The following TANC1 variants were observed in gnomAD, a reference collection of about 807,000 sequenced individuals.
The protein encoded by TANC1 is protein TANC1.
Under a neutral mutation model 149.7 loss-of-function variants are expected in TANC1, and 77 were observed. That is an observed-to-expected ratio of 0.51 (90% CI 0.43 to 0.62). The LOEUF is 0.62. Among genes scored for constraint, TANC1 ranks in the 20% least tolerant of loss-of-function variants. The pLI, the probability that TANC1 is intolerant of heterozygous loss-of-function variation, is 0.00. For missense variants in TANC1, 1,985 were observed against 2,321.8 expected, an observed-to-expected ratio of 0.85 and a Z score of 2.98; for synonymous variants, 854 against 925.0, an observed-to-expected ratio of 0.92 and a Z score of 1.39.
intron 4 of TANC1, among the ~76,000 whole-genome samples, chr2:159,124,562 A>G (rs764298410): frequency 3.3e-5 from 5 of 152,164 alleles, no homozygotes; most frequent in Non-Finnish European, 7.3e-5. Context: ...TTGTGCAAAC[A>G]ACAGAAGAGC....
intron 3 of TANC1, among the ~76,000 whole-genome samples, chr2:159,070,646 G>T (rs1482613369): frequency 6.6e-6 from 1 of 152,326 alleles, no homozygotes; most frequent in Non-Finnish European, 1.5e-5. Flanking sequence ...TGTGAGGCAG[G>T]TGCATATAAA....
chr2:159,150,109 T>C (rs991313255), intron 6 of TANC1: 1 of 369,168 alleles, frequency 2.7e-6, no homozygotes, highest in Non-Finnish European at 4.9e-6. Context: ...TTGCTAAGAC[T>C]GACCTTTTAA....
chr2:159,141,295 C>T (rs567510249), intron 5 of TANC1, among the ~76,000 whole-genome samples: 25 of 152,300 alleles, frequency 1.6e-4, no homozygotes, highest in African/African-American at 5.3e-4. Flanking sequence ...TTCTGAGACA[C>T]AGACATTCAG....
chr2:159,003,991 A>G, intron 2 of TANC1: 2 of 1,612,474 alleles, frequency 1.2e-6, no homozygotes, highest in Non-Finnish European at 1.7e-6. Context: ...CTGGCTGTGA[A>G]TAATATAGCT....
intron 1 of TANC1, among the ~76,000 whole-genome samples, chr2:158,981,649 C>T (rs1284145266): frequency 2.0e-5 from 3 of 149,852 alleles, no homozygotes; most frequent in Non-Finnish European, 4.4e-5. Flanking sequence ...GAATAGTTGG[C>T]GTGGTTAAAT....
rs371866385 is a variant in TANC1 at position 159,225,777 on chromosome 2, A to G, written c.3901A>G (p.Lys1301Glu). The G allele has an allele frequency of 7.3e-5, 117 of 1,611,886 alleles. No homozygotes were observed. The highest frequency in any genetic ancestry group is 1.5e-4 in the Admixed American group (9 of 59,998). The stretch of plus-strand genomic sequence containing the variant: ...AATGGAGGAAGGAAATGTGATGTAC[A>G]AAGTAAGTGGTTCCGCCCTTTTCTT... ...KLMEEGNVMY[K>E]KGKMKEAAQR... The change falls in exon 24 of 27, where the codon AAA (lysine) becomes GAA (glutamate). Residue 1301 changes from lysine (K) to glutamate (E), a missense_variant and splice_region_variant. Lys to Glu is a moderately conservative substitution (Grantham distance 56). Transcript: ENST00000263635.
chr2:159,054,426 G>A (rs951591435), intron 2 of TANC1, among the ~76,000 whole-genome samples: 3 of 152,162 alleles, frequency 2.0e-5, no homozygotes, highest in Non-Finnish European at 4.4e-5. Context: ...ATCACCCTGC[G>A]TGGGTATTGA....
At chr2:159,132,699 A>G (rs1207142463) in intron 4 of TANC1, among the ~76,000 whole-genome samples, 2 of 134,168 alleles carry the variant, frequency 1.5e-5, no homozygotes, top group South Asian at 4.7e-4. Context: ...GGGTTTCACT[A>G]TGTTACCCAG....
chr2:159,081,213 A>G (rs865788243), intron 3 of TANC1, among the ~76,000 whole-genome samples: 1 of 152,246 alleles, frequency 6.6e-6, no homozygotes, highest in African/African-American at 2.4e-5. Context: ...GGCTATCTTT[A>G]TAGTTGCACT....
intron 1 of TANC1, among the ~76,000 whole-genome samples, chr2:158,987,925 A>G (rs1211052277): frequency 6.6e-6 from 1 of 152,092 alleles, no homozygotes; most frequent in Non-Finnish European, 1.5e-5. Context: ...TCAGCTAGAG[A>G]GTGTATTTAG....
Position 159,231,317 on chromosome 2 carries a change from C to A in TANC1, c.*305C>A. ...TTTGCCACTTTCTTCCTTGCCTTTG[C>A]TATATGGTAGAATCACAGAACTTAC... On this transcript the variant is annotated 3_prime_UTR_variant, in exon 27 of 27. Coordinates refer to ENST00000263635, the MANE Select transcript of TANC1 (RefSeq NM_033394.3). The A allele has an allele frequency of 3.9e-6, 1 of 258,506 alleles. No homozygotes were observed. 16.0% of individuals were successfully genotyped at this position (258,506 alleles called of 1,614,324 possible).
Position 159,136,045 on chromosome 2 carries a change from T to TGTGTGTGC in TANC1, c.260-144_260-143insTGCGTGTG, listed in dbSNP as rs1559326068. On this transcript the variant is annotated intron_variant, in intron 4 of 26. Coordinates refer to ENST00000263635, the MANE Select transcript of TANC1 (RefSeq NM_033394.3). Reference sequence around the variant, plus strand: ...GTGTGTGTGTGTGTGTGTGTGTGTGTGTGTGCGCGCGCGCGCGTTTAAGGG... The same window carrying TGTGTGTGC: ...GTGTGTGTGTGTGTGTGTGTGTGTGTGTGTGTGCGTGTGCGCGCGCGCGCGTTTAAGGG... The TGTGTGTGC allele has an allele frequency of 2.4e-4, 26 of 107,838 alleles. 5 individuals are homozygous for TGTGTGTGC. The highest frequency in any genetic ancestry group is 3.6e-4 in the Non-Finnish European group (18 of 49,416). 6.7% of individuals were successfully genotyped at this position (107,838 alleles called of 1,614,324 possible).
chr2:158,976,597 T>C (rs542135941), intron 1 of TANC1, among the ~76,000 whole-genome samples: 1 of 152,302 alleles, frequency 6.6e-6, no homozygotes, highest in Admixed American at 6.5e-5. Context: ...AAATTATGTA[T>C]GGGCTGAGCG....
chr2:159,047,090 C>G (rs73969424), intron 2 of TANC1, among the ~76,000 whole-genome samples: 365 of 152,160 alleles, frequency 2.4e-3, no homozygotes, highest in African/African-American at 8.5e-3. Context: ...CCCCCCAGGT[C>G]TCTCTGAATT....
chr2:159,214,420 T>G (rs1311611138), intron 19 of TANC1, among the ~76,000 whole-genome samples: 2 of 152,226 alleles, frequency 1.3e-5, no homozygotes, highest in South Asian at 4.1e-4. Flanking sequence ...TCCTGGACCT[T>G]GGGACTCCAG....
At chr2:159,149,066 G>A (rs1289979258) in intron 5 of TANC1, 76 bp from the exon 6 acceptor site, 16 of 1,469,604 alleles carry the variant, frequency 1.1e-5, no homozygotes, top group Admixed American at 4.6e-5. Flanking sequence ...CAAAGCAGCT[G>A]TAGTGTGAAC....
intron 3 of TANC1, among the ~76,000 whole-genome samples, chr2:159,072,709 A>G (rs896723473): frequency 1.8e-4 from 27 of 152,310 alleles, no homozygotes; most frequent in African/African-American, 6.0e-4. Flanking sequence ...TGGCACATGG[A>G]TACATATGTA....
intron 21 of TANC1, 33 bp from the exon 22 acceptor site, chr2:159,219,659 T>A (rs572104269): frequency 6.2e-7 from 1 of 1,613,474 alleles, no homozygotes; most frequent in African/African-American, 1.3e-5. Context: ...CATCTCATAA[T>A]GTTCATGTTC....
intron 2 of TANC1, among the ~76,000 whole-genome samples, chr2:159,033,001 A>G (rs2039902729): frequency 6.6e-6 from 1 of 152,160 alleles, no homozygotes; most frequent in African/African-American, 2.4e-5. Context: ...AATGAGAAGA[A>G]GCTCAACGGA....
Sources: allele counts gnomAD v4.1 joint callset (sites outside exome capture counted in the v4.1 genomes callset), GRCh38; gene constraint gnomAD v4.1.1; transcripts MANE v1.5; gene names NCBI Gene and HGNC (gene_info 2026-07-23, HGNC 2026-07-21).